Variants in MYO10 observed in about 807,000 individuals in gnomAD.
MYO10 encodes the protein unconventional myosin-X.
MYO10 carries 133 observed loss-of-function variants against 257.3 expected under a neutral mutation model. The observed-to-expected ratio is 0.52, with a 90% CI of 0.45 to 0.60. The LOEUF (loss-of-function observed/expected upper bound fraction) is 0.60. Among genes scored for constraint, MYO10 ranks in the 20% least tolerant of loss-of-function variants. The pLI, the probability that MYO10 is intolerant of heterozygous loss-of-function variation, is 0.00. For synonymous variants in MYO10, 1,104 were observed against 1,028.6 expected (o/e 1.07, Z -1.40); for missense variants, 2,399 against 2,635.7 (o/e 0.91, Z 1.97).
intron 19 of MYO10, among the ~76,000 whole-genome samples, chr5:16,731,640 C>T (rs930505192): frequency 2.0e-5 from 3 of 152,240 alleles, no homozygotes; most frequent in Non-Finnish European, 4.4e-5. Flanking sequence ...TGAGCCACCA[C>T]GCCAGGCCAA....
intron 3 of MYO10, among the ~76,000 whole-genome samples, chr5:16,803,998 C>T (rs1363253505): frequency 2.0e-5 from 3 of 152,176 alleles, no homozygotes; most frequent in Admixed American, 6.5e-5. Flanking sequence ...GGTAATGGAA[C>T]CGGCAAGGGG....
At chr5:16,928,968 T>A (rs1356068485) in intron 1 of MYO10, among the ~76,000 whole-genome samples, 2 of 151,742 alleles carry the variant, frequency 1.3e-5, no homozygotes, top group Admixed American at 6.6e-5. Flanking sequence ...TTGGTTTTTT[T>A]TTGAGACGGA....
chr5:16,675,373 G>C (rs1579799528), intron 34 of MYO10, among the ~76,000 whole-genome samples: 1 of 152,148 alleles, frequency 6.6e-6, no homozygotes, highest in East Asian at 1.9e-4. Flanking sequence ...CACATAAAAT[G>C]CTTACTTAAA....
intron 39 of MYO10, 100 bp from the exon 40 acceptor site, chr5:16,668,568 G>A: frequency 1.0e-6 from 1 of 955,128 alleles, no homozygotes; most frequent in Non-Finnish European, 1.5e-6. Flanking sequence ...CCTCTGTGCA[G>A]AAGATTAAAT....
At chr5:16,723,344 C>T (rs941476058) in intron 19 of MYO10, among the ~76,000 whole-genome samples, 1 of 151,736 alleles carries the variant, frequency 6.6e-6, no homozygotes, top group East Asian at 1.9e-4. Context: ...GCCAAGGTTG[C>T]GCCACTGCAC....
At chr5:16,688,331 CAGAA>C (rs1312918154) in intron 28 of MYO10, among the ~76,000 whole-genome samples, 1 of 152,148 alleles carries the variant, frequency 6.6e-6, no homozygotes, top group Non-Finnish European at 1.5e-5. Flanking sequence ...TGTATCAACT[CAGAA>C]AGATTCAAAG....
chr5:16,750,207 C>G (rs1740341523), intron 19 of MYO10, among the ~76,000 whole-genome samples: 1 of 152,164 alleles, frequency 6.6e-6, no homozygotes, highest in Non-Finnish European at 1.5e-5. Context: ...GCAGGCTTTT[C>G]TAGGTGCTTC....
chr5:16,763,964 G>A (rs1354609878), intron 12 of MYO10, among the ~76,000 whole-genome samples: 2 of 151,980 alleles, frequency 1.3e-5, no homozygotes, highest in Non-Finnish European at 2.9e-5. Flanking sequence ...GACCAGCATG[G>A]TGCAACCCCG....
chr5:16,788,183 G>A lies in MYO10; in HGVS notation c.468-4714C>T, dbSNP rs1017336514. ...AAAAAGGTGATGCGGGAAGGGCCGC[G>A]GGGGCAGCAGAGATGAAGTGAGAGG... On this transcript the variant is annotated intron_variant, in intron 4 of 40. Transcript: ENST00000513610. Among the ~76,000 whole-genome samples the A allele has an allele frequency of 5.3e-5, 8 of 152,134 alleles. No homozygotes were observed. The South Asian group carries it at 6.2e-4, about 12-fold the overall frequency.
chr5:16,889,230 AC>A (rs1194076639), intron 1 of MYO10, among the ~76,000 whole-genome samples: 1 of 150,094 alleles, frequency 6.7e-6, no homozygotes, highest in Non-Finnish European at 1.5e-5. Flanking sequence ...ACATGGTGAA[AC>A]CCCATCTCTA....
rs1173068405 is a variant in MYO10 at position 16,701,898 on chromosome 5, C to T, written c.2557-60G>A. On this transcript the variant is annotated intron_variant, in intron 24 of 40. Coordinates refer to ENST00000513610, the MANE Select transcript of MYO10 (RefSeq NM_012334.3). The surrounding 1 kb of genome is among the most constrained non-coding windows in gnomAD (Gnocchi z 8.1). ...TCAGTACAAAAGTCCAAGCATAGCT[C>T]CCGCTTTGCAACCAGGATGAAATAT... The T allele has an allele frequency of 3.3e-6, 5 of 1,518,518 alleles. No homozygotes were observed. Among genetic ancestry groups the T allele is most frequent in the Non-Finnish European group, 2.6e-6 (3 of 1,137,030 alleles). The allele number at this position is 1,518,518 out of a possible 1,614,324, so 94.1% of individuals were successfully genotyped here.
intron 3 of MYO10, 51 bp from the exon 4 acceptor site, chr5:16,794,884 G>A (rs1331538794): frequency 2.3e-6 from 3 of 1,328,106 alleles, no homozygotes; most frequent in African/African-American, 3.0e-5. Flanking sequence ...CCAGGCCACT[G>A]GATGAGCTCC....
chr5:16,692,062 C>G (rs1364752847), intron 27 of MYO10, among the ~76,000 whole-genome samples: 1 of 152,126 alleles, frequency 6.6e-6, no homozygotes, highest in Non-Finnish European at 1.5e-5. Flanking sequence ...CATTTGGATT[C>G]TGACTTGAAG....
chr5:16,702,003 T>C (rs1001151082), intron 24 of MYO10, among the ~76,000 whole-genome samples, 165 bp from the exon 25 acceptor site: 1 of 152,150 alleles, frequency 6.6e-6, no homozygotes, highest in African/African-American at 2.4e-5. Context: ...TGTGACTGCA[T>C]TTGGAGATAC....
In MYO10 at chr5:16,703,211, C is replaced by T. The variant is rs181532245; in HGVS notation, c.2277-53G>A. On this transcript the variant is annotated intron_variant, in intron 22 of 40. Transcript: ENST00000513610. ...GGCATTGAAGTAATGAGGCTTTGAG[C>T]TATTCAAATGAGCTCACATCAAGGC... 117 of 1,376,612 alleles carry T rather than the reference C, an allele frequency of 8.5e-5. 1 individual carries two copies. In the African/African-American group the frequency reaches 1.6e-3, roughly 18 times the overall value. The allele number at this position is 1,376,612 out of a possible 1,614,324, so 85.3% of individuals were successfully genotyped here.
At chr5:16,758,365 C>G in intron 17 of MYO10, 139 bp from the exon 18 acceptor site, 1 of 633,766 alleles carries the variant, frequency 1.6e-6, no homozygotes, top group Non-Finnish European at 2.8e-6. Flanking sequence ...AGACAGCTTC[C>G]AAAGATTTCA....
chr5:16,787,609 TAAAAAAAAAAAA>T (rs70940401), intron 4 of MYO10, among the ~76,000 whole-genome samples: 4,756 of 124,990 alleles, frequency 0.038, 248 homozygotes, highest in African/African-American at 0.12. Context: ...TGTTTTGCTT[TAAAAAAAAAAAA>T]AAAAAAAAAA....
chr5:16,890,365 C>T (rs930291379), intron 1 of MYO10, among the ~76,000 whole-genome samples: 1 of 151,818 alleles, frequency 6.6e-6, no homozygotes, highest in African/African-American at 2.4e-5. Flanking sequence ...CCATATGACC[C>T]AGAAATTCCA....
chr5:16,735,564 G>A (rs1739759200), intron 19 of MYO10, among the ~76,000 whole-genome samples: 1 of 151,776 alleles, frequency 6.6e-6, no homozygotes, highest in Admixed American at 6.6e-5. Flanking sequence ...AAATTAGCTG[G>A]GTATGGTAGT....
Sources: allele counts gnomAD v4.1 joint callset (sites outside exome capture counted in the v4.1 genomes callset), GRCh38; gene constraint gnomAD v4.1.1; non-coding constraint Gnocchi (gnomAD v3.1); transcripts MANE v1.5; gene names NCBI Gene and HGNC (gene_info 2026-07-23, HGNC 2026-07-21).